The following RBM19 variants were observed in gnomAD, a reference collection of about 807,000 sequenced individuals.
RBM19 encodes RNA binding motif protein 19, also known as probable RNA-binding protein 19.
RBM19 carries 94 observed loss-of-function variants against 116.8 expected under a neutral mutation model. That is an observed-to-expected ratio of 0.80 (90% CI 0.68 to 0.95). The LOEUF (loss-of-function observed/expected upper bound fraction) is 0.95. Ranked by LOEUF, RBM19 falls within the 40% of genes least tolerant of loss-of-function variation. The pLI, the probability that RBM19 is intolerant of heterozygous loss-of-function variation, is 0.00. For synonymous variants in RBM19, 475 were observed against 494.1 expected, an observed-to-expected ratio of 0.96 and a Z score of 0.51; for missense variants, 1,161 against 1,220.7, an observed-to-expected ratio of 0.95 and a Z score of 0.73.
intron 1 of RBM19, 157 bp downstream of exon 1, chr12:113,966,035 G>A: frequency 1.3e-6 from 1 of 771,286 alleles, no homozygotes; most frequent in Non-Finnish European, 2.1e-6. Context: ...GGATCAAATG[G>A]GGATAAGCCC....
Position 113,825,413 on chromosome 12 carries a change from T to G in RBM19, c.2786-2092A>C, listed in dbSNP as rs1255600450. The stretch of plus-strand genomic sequence containing the variant: ...TCCTTCCTTGTGACCTCCTAGACAC[T>G]CTTGGTTTCCTTATAATCGCCAGCC... On this transcript the variant is annotated intron_variant, in intron 23 of 23. Transcript: ENST00000261741. The surrounding 1 kb of genome is among the most constrained non-coding windows in gnomAD (Gnocchi z 5.7). 6.6e-6 allele frequency among the ~76,000 whole-genome samples: 1 copy of G among 152,148 alleles called. No homozygotes were observed.
chr12:113,942,576 G>C, intron 13 of RBM19, 142 bp from the exon 14 acceptor site: 1 of 597,044 alleles, frequency 1.7e-6, no homozygotes, highest in Non-Finnish European at 2.9e-6. Flanking sequence ...TTGATCAGAT[G>C]CCCCCAACGG....
intron 1 of RBM19, among the ~76,000 whole-genome samples, chr12:113,963,718 C>T (rs1362464494): frequency 6.6e-6 from 1 of 152,186 alleles, no homozygotes; most frequent in Non-Finnish European, 1.5e-5. Context: ...CATTCCTTTG[C>T]CAAAAACCTT....
At chr12:113,846,603 C>G (rs186439589) in intron 22 of RBM19, among the ~76,000 whole-genome samples, 1 of 152,150 alleles carries the variant, frequency 6.6e-6, no homozygotes, top group Non-Finnish European at 1.5e-5. Context: ...TGCCAACTGT[C>G]CCCAGCAGCC....
In RBM19 at chr12:113,962,394, C is replaced by A. The variant is rs746173741; in HGVS notation, c.57G>T (p.Arg19Ser). The A allele has an allele frequency of 8.7e-6, 14 of 1,613,782 alleles. No individual in the cohort carries two copies. In the East Asian group the frequency reaches 1.8e-4, roughly 21 times the overall value. The change falls in exon 2 of 24, where the codon AGG becomes AGT. Residue 19 changes from arginine to serine, a missense_variant. Transcript: ENST00000261741. ...LPNGMKEERF[R>S]QLFAAFGTLT... ...GCGTGCCGAAGGCGGCAAACAGCTG[C>A]CTGAAACGCTCCTCCTTCATCTAGG...
At chr12:113,882,433 C>G (rs564527585) in intron 21 of RBM19, among the ~76,000 whole-genome samples, 1 of 152,116 alleles carries the variant, frequency 6.6e-6, no homozygotes, top group African/African-American at 2.4e-5. Flanking sequence ...TCCTAAATCA[C>G]CAGAATTCTG....
At chr12:113,890,202 C>T (rs1026391357) in intron 21 of RBM19, among the ~76,000 whole-genome samples, 2 of 152,224 alleles carry the variant, frequency 1.3e-5, no homozygotes, top group African/African-American at 2.4e-5. Flanking sequence ...GCCGCCTTCT[C>T]TAGTGGGAGT....
chr12:113,819,237 C>T (rs1000931650), downstream of RBM19, among the ~76,000 whole-genome samples: 1 of 152,194 alleles, frequency 6.6e-6, no homozygotes, highest in African/African-American at 2.4e-5. Context: ...CTCTGAACAC[C>T]GGGTCACAGG....
At chr12:113,849,273 C>A (rs1037695267) in intron 22 of RBM19, among the ~76,000 whole-genome samples, 2 of 152,248 alleles carry the variant, frequency 1.3e-5, no homozygotes. Context: ...TGCTTAAGAT[C>A]CTCAGCCTGG....
intron 21 of RBM19, among the ~76,000 whole-genome samples, chr12:113,913,832 G>A (rs1185676992): frequency 1.3e-5 from 2 of 152,222 alleles, no homozygotes; most frequent in Non-Finnish European, 2.9e-5. Flanking sequence ...AGGCCATGGT[G>A]CTGCAGGTCC....
intron 23 of RBM19, among the ~76,000 whole-genome samples, chr12:113,844,274 C>T (rs1037385468): frequency 7.2e-5 from 11 of 152,334 alleles, no homozygotes; most frequent in Admixed American, 3.3e-4. Context: ...CGTGAGCATC[C>T]CTGCCCTGCG....
At chr12:113,950,806 A>T (rs1306991013) in intron 8 of RBM19, among the ~76,000 whole-genome samples, 1 of 152,148 alleles carries the variant, frequency 6.6e-6, no homozygotes, top group African/African-American at 2.4e-5. Context: ...AAGGCTGTTT[A>T]GATTCTTTCT....
At chr12:113,832,192 T>C (rs1875482120) in intron 23 of RBM19, among the ~76,000 whole-genome samples, 1 of 140,046 alleles carries the variant, frequency 7.1e-6, no homozygotes, top group Non-Finnish European at 1.6e-5. Flanking sequence ...TCATTTCTTT[T>C]TTCTTTTTTT....
At chr12:113,948,627 C>A (rs113628241) in intron 10 of RBM19, among the ~76,000 whole-genome samples, 45 of 152,232 alleles carry the variant, frequency 3.0e-4, no homozygotes, top group African/African-American at 1.0e-3. Flanking sequence ...ATACCTTTTA[C>A]TTCCTGCCCT....
At chr12:113,918,067 G>T (rs1233608483) in intron 20 of RBM19, among the ~76,000 whole-genome samples, 1 of 151,538 alleles carries the variant, frequency 6.6e-6, no homozygotes, top group Non-Finnish European at 1.5e-5. Context: ...GCTCTTCCTT[G>T]GTTTATTTAT....
chr12:113,830,057 G>A (rs1366585504), intron 23 of RBM19, among the ~76,000 whole-genome samples: 2 of 152,194 alleles, frequency 1.3e-5, no homozygotes, highest in Non-Finnish European at 2.9e-5. Flanking sequence ...GAAGAGTCAA[G>A]TGGTCACACT....
At chr12:113,964,135 A>G (rs74821924) in intron 1 of RBM19, among the ~76,000 whole-genome samples, 6,338 of 152,274 alleles carry the variant, frequency 0.042, 321 homozygotes, top group Admixed American at 0.15. Context: ...CTACAGTGTC[A>G]GCAATATCAC....
intron 11 of RBM19, 82 bp from the exon 12 acceptor site, chr12:113,946,557 C>T: frequency 6.3e-7 from 1 of 1,583,550 alleles, no homozygotes; most frequent in Non-Finnish European, 8.6e-7. Flanking sequence ...TGGCTTCTGC[C>T]ACGAGTAAGC....
chr12:113,890,913 G>A (rs1398198545), intron 21 of RBM19, among the ~76,000 whole-genome samples: 2 of 152,186 alleles, frequency 1.3e-5, no homozygotes, highest in African/African-American at 2.4e-5. Context: ...TCAGCCTTCC[G>A]AGTAGCTGGG....
Sources: allele counts gnomAD v4.1 joint callset (sites outside exome capture counted in the v4.1 genomes callset), GRCh38; gene constraint gnomAD v4.1.1; non-coding constraint Gnocchi (gnomAD v3.1); transcripts MANE v1.5; gene names NCBI Gene and HGNC (gene_info 2026-07-23, HGNC 2026-07-21).